CACNA2D4: variants seen among roughly 807,000 people sequenced by gnomAD.
CACNA2D4 encodes the protein voltage-dependent calcium channel subunit alpha-2/delta-4.
CACNA2D4 carries 157 observed loss-of-function variants against 163.8 expected under a neutral mutation model. That is an observed-to-expected ratio of 0.96 (90% CI 0.84 to 1.09). CACNA2D4 has a LOEUF of 1.09. CACNA2D4 is among the 50% of genes least tolerant of loss of function. CACNA2D4 has a pLI of 0.00. For missense variants in CACNA2D4, 1,410 were observed against 1,479.9 expected, an observed-to-expected ratio of 0.95 and a Z score of 0.78; for synonymous variants, 598 against 586.9, an observed-to-expected ratio of 1.02 and a Z score of -0.27.
intron 26 of CACNA2D4, among the ~76,000 whole-genome samples, chr12:1,821,831 T>C (rs1259205677): frequency 6.6e-6 from 1 of 151,810 alleles, no homozygotes; most frequent in Non-Finnish European, 1.5e-5. Context: ...GCCCTGTCTC[T>C]CCCCCACCCC....
chr12:1,903,935 C>A (rs577996988), intron 6 of CACNA2D4, among the ~76,000 whole-genome samples: 1 of 152,066 alleles, frequency 6.6e-6, no homozygotes, highest in Non-Finnish European at 1.5e-5. Context: ...TTTACTGCAG[C>A]ACTATTTACA....
At chr12:1,871,987 G>A (rs916756603) in intron 18 of CACNA2D4, among the ~76,000 whole-genome samples, 1 of 152,238 alleles carries the variant, frequency 6.6e-6, no homozygotes, top group Non-Finnish European at 1.5e-5. Flanking sequence ...GTCTGAGGGT[G>A]TCTGGCCAGC....
chr12:1,838,498 G>C (rs565352498), intron 26 of CACNA2D4, among the ~76,000 whole-genome samples: 2 of 152,224 alleles, frequency 1.3e-5, no homozygotes, highest in African/African-American at 4.8e-5. Context: ...GCCAGGGAGA[G>C]GAAGTGGCAG....
At chr12:1,819,091 G>A (rs535351943) in intron 26 of CACNA2D4, among the ~76,000 whole-genome samples, 2 of 152,142 alleles carry the variant, frequency 1.3e-5, no homozygotes, top group Admixed American at 6.5e-5. Flanking sequence ...GCCAGAGATC[G>A]GAGGAGGAGC....
chr12:1,869,015 G>A lies in CACNA2D4; in HGVS notation c.1878+5589C>T, dbSNP rs921775015. ...AGGGACTGGGGCATCCATGGATTTTGGTATCTTTGGGGTGTCCTGGTCCAA... is the reference window on the plus strand; with the variant it reads ...AGGGACTGGGGCATCCATGGATTTTAGTATCTTTGGGGTGTCCTGGTCCAA... On this transcript the variant is annotated intron_variant, in intron 18 of 37. Transcript: ENST00000382722. This position sits in a 1 kb window ranked among gnomAD's most constrained non-coding sequence, Gnocchi z 4.7. Among the ~76,000 whole-genome samples, 1 of 152,142 alleles carries A rather than the reference G, an allele frequency of 6.6e-6. No homozygotes were observed. The highest frequency in any genetic ancestry group is 2.4e-5 in the African/African-American group (1 of 41,424).
rs1218515728 is a variant in CACNA2D4, at chr12:1,792,454, G to A, written c.*1201C>T. 2 of 52,546 alleles carry A rather than the reference G, an allele frequency of 3.8e-5. No homozygotes were observed. Among genetic ancestry groups the A allele is most frequent in the East Asian group, 7.1e-4 (1 of 1,418 alleles). The allele number at this position is 52,546 out of a possible 1,614,324, so 3.3% of individuals were successfully genotyped here. A position where few individuals can be genotyped will look rare whatever the true frequency, so the allele number is the denominator to read the frequency against. On this transcript the variant is annotated 3_prime_UTR_variant, in exon 38 of 38. Transcript: ENST00000382722. ...GGAGGCTGAGGGTGATGGAGGAGCG[G>A]GGGGAAGCGCCCCAAAAGCCCTGCA...
chr12:1,799,892 A>G lies in CACNA2D4; in HGVS notation c.2974+108T>C. ...GGTGAGATGTGAACAACGATGCTTC[A>G]GGGTCACCTATCCCCACTGTCACCC... On this transcript the variant is annotated intron_variant, in intron 33 of 37. Transcript: ENST00000382722. This position sits in a 1 kb window ranked among gnomAD's most constrained non-coding sequence, Gnocchi z 4.7. 1 of 1,316,970 alleles carries G rather than the reference A, an allele frequency of 7.6e-7. No individual in the cohort carries two copies. The allele number at this position is 1,316,970 out of a possible 1,614,324, so 81.6% of individuals were successfully genotyped here. A position where few individuals can be genotyped will look rare whatever the true frequency, so the allele number is the denominator to read the frequency against.
intron 29 of CACNA2D4, chr12:1,809,676 C>A (rs1863642489): frequency 1.5e-6 from 1 of 646,320 alleles, no homozygotes; most frequent in Admixed American, 2.5e-5. Flanking sequence ...CAGGGAGATA[C>A]CCACAGCCAG....
chr12:1,856,024 G>A lies in CACNA2D4; in HGVS notation c.2140C>T (p.Pro714Ser). The change falls in exon 22 of 38, where the codon CCA becomes TCA. Residue 714 changes from proline to serine, a missense_variant. Coordinates refer to ENST00000382722, the MANE Select transcript of CACNA2D4 (RefSeq NM_172364.5). ...AMIRFLTRKD[P>S]DLECDEELVR... ...GGCCAGCACTCACACTCCAGGTCTG[G>A]GTCCTTCCTGGTGAGGAAGCGGATC... 2.5e-6 allele frequency: 4 copies of A among 1,613,396 alleles called. No individual in the cohort carries two copies. The highest frequency in any genetic ancestry group is 3.4e-6 in the Non-Finnish European group (4 of 1,179,348).
intron 26 of CACNA2D4, among the ~76,000 whole-genome samples, chr12:1,832,889 C>T (rs1171758275): frequency 2.0e-5 from 3 of 152,234 alleles, no homozygotes; most frequent in Non-Finnish European, 2.9e-5. Context: ...AGGATTCAAC[C>T]GTGGGTCTTC....
chr12:1,809,594 C>G (rs1197035867), intron 29 of CACNA2D4: 1 of 698,838 alleles, frequency 1.4e-6, no homozygotes, highest in East Asian at 2.7e-5. Context: ...TTTTGAGGCC[C>G]CTTTTGGAGC....
intron 18 of CACNA2D4, among the ~76,000 whole-genome samples, chr12:1,868,089 T>C (rs1865693437): frequency 6.6e-6 from 1 of 152,226 alleles, no homozygotes; most frequent in South Asian, 2.1e-4. Context: ...AGAACTGCCA[T>C]GTGACCCAGG....
At chr12:1,815,415 G>C (rs1863842548) in intron 26 of CACNA2D4, among the ~76,000 whole-genome samples, 1 of 150,900 alleles carries the variant, frequency 6.6e-6, no homozygotes, top group South Asian at 2.1e-4. Flanking sequence ...TCATCTCCTA[G>C]AGTGGCTGTC....
rs1565725096 is a variant in CACNA2D4, at chr12:1,878,641, G to A, written c.1645-252C>T. ...ACTTCTTTACCACCACATGTTCTGG[G>A]TGCTTTGATGATGTAATCTCACTCA... On this transcript the variant is annotated intron_variant, in intron 15 of 37. Coordinates refer to ENST00000382722, the MANE Select transcript of CACNA2D4 (RefSeq NM_172364.5). The surrounding 1 kb of genome is among the most constrained non-coding windows in gnomAD (Gnocchi z 4.6). Among the ~76,000 whole-genome samples the A allele has an allele frequency of 6.6e-6, 1 of 152,184 alleles. No homozygotes were observed. Among genetic ancestry groups the A allele is most frequent in the Non-Finnish European group, 1.5e-5 (1 of 68,032 alleles).
Position 1,834,627 on chromosome 12 carries a change from C to A in CACNA2D4, c.2551+6112G>T, listed in dbSNP as rs1378461653. ...GGCTGCATCTACGCCTCCCTCATGG[C>A]CAAGTACCACCGGGAGCTCAAAAAG... On this transcript the variant is annotated intron_variant, in intron 26 of 37. Coordinates refer to ENST00000382722, the MANE Select transcript of CACNA2D4 (RefSeq NM_172364.5). The surrounding 1 kb of genome is among the most constrained non-coding windows in gnomAD (Gnocchi z 7.6). 6.2e-7 allele frequency: 1 copy of A among 1,600,202 alleles called. No individual in the cohort carries two copies.
At position 1,884,284 on chromosome 12, in the gene CACNA2D4, G is replaced by C. The variant is rs1256080031; in HGVS notation, c.1310C>G (p.Ser437Cys). The change falls in exon 12 of 38, where the codon TCT (serine) becomes TGT (cysteine). Residue 437 changes from serine to cysteine, a missense_variant. Coordinates refer to ENST00000382722, the MANE Select transcript of CACNA2D4 (RefSeq NM_172364.5). ...VFTYLIGREV[S>C]FADRMKWIAC... ...AATCCACTTCATGCGGTCAGCAAAAGACACTTCTCTCCCAATGAGGTAAGT... is the reference window on the plus strand; with the variant it reads ...AATCCACTTCATGCGGTCAGCAAAACACACTTCTCTCCCAATGAGGTAAGT... 1 of 1,612,668 alleles carries C rather than the reference G, an allele frequency of 6.2e-7. No individual in the cohort carries two copies. The highest frequency in any genetic ancestry group is 8.5e-7 in the Non-Finnish European group (1 of 1,179,524).
In CACNA2D4 at chr12:1,885,102, G is replaced by T. The variant is rs780572022; in HGVS notation, c.1069-26C>A. 3.1e-6 allele frequency: 5 copies of T among 1,593,124 alleles called. No individual in the cohort carries two copies. In the South Asian group the frequency reaches 4.4e-5, roughly 14 times the overall value. Reference sequence around the variant, plus strand: ...CTGCCATGGGTGAGATATTAGAGAAGCATCAGGGGGTTGAGTGGGCCAGTG... The same window carrying T: ...CTGCCATGGGTGAGATATTAGAGAATCATCAGGGGGTTGAGTGGGCCAGTG... On this transcript the variant is annotated intron_variant, in intron 9 of 37. Transcript: ENST00000382722.
chr12:1,878,691 C>T lies in CACNA2D4; in HGVS notation c.1644+265G>A, dbSNP rs531519885. 1.1e-4 allele frequency among the ~76,000 whole-genome samples: 17 copies of T among 152,288 alleles called. No homozygotes were observed. Among genetic ancestry groups the T allele is most frequent in the East Asian group, 3.9e-4 (2 of 5,190 alleles). ...ACCCTTACAGCAGGACTGTGTGGCA[C>T]GGAGGAGCAGACTGAGAAACTGAGA... On this transcript the variant is annotated intron_variant, in intron 15 of 37. Coordinates refer to ENST00000382722, the MANE Select transcript of CACNA2D4 (RefSeq NM_172364.5). This position sits in a 1 kb window ranked among gnomAD's most constrained non-coding sequence, Gnocchi z 4.6.
At chr12:1,816,157 A>ACT (rs1863864767) in intron 26 of CACNA2D4, among the ~76,000 whole-genome samples, 1 of 152,036 alleles carries the variant, frequency 6.6e-6, no homozygotes, top group South Asian at 2.1e-4. Flanking sequence ...TGCGGGGAGG[A>ACT]CTGCCCTTCC....
Sources: allele counts gnomAD v4.1 joint callset (sites outside exome capture counted in the v4.1 genomes callset), GRCh38; gene constraint gnomAD v4.1.1; non-coding constraint Gnocchi (gnomAD v3.1); transcripts MANE v1.5; gene names NCBI Gene and HGNC (gene_info 2026-07-23, HGNC 2026-07-21).